SCTR: variants seen among roughly 807,000 people sequenced by gnomAD.
SCTR encodes secretin receptor.
SCTR carries 56 observed loss-of-function variants against 60.8 expected under a neutral mutation model. The ratio of observed to expected loss-of-function variants is 0.92; its 90% CI spans 0.74 to 1.15. SCTR has a LOEUF of 1.15. Ranked by LOEUF, SCTR falls within the 50% of genes most tolerant of loss-of-function variation. The pLI is 0.00. For synonymous variants in SCTR, 202 were observed against 217.0 expected, an observed-to-expected ratio of 0.93 and a Z score of 0.61; for missense variants, 562 against 550.4, an observed-to-expected ratio of 1.02 and a Z score of -0.21.
At chr2:119,513,705 C>G (rs1305226075) in intron 1 of SCTR, among the ~76,000 whole-genome samples, 1 of 152,076 alleles carries the variant, frequency 6.6e-6, no homozygotes, top group Non-Finnish European at 1.5e-5. Flanking sequence ...AATTCACAGG[C>G]CTTCACCTCA....
chr2:119,454,792 T>G (rs1327369400), intron 7 of SCTR, among the ~76,000 whole-genome samples: 1 of 151,066 alleles, frequency 6.6e-6, no homozygotes, highest in Non-Finnish European at 1.5e-5. Flanking sequence ...AGGCGGAGGT[T>G]GCAGTGAGTC....
chr2:119,440,294 G>A, intron 12 of SCTR, 37 bp from the exon 13 acceptor site: 1 of 1,594,938 alleles, frequency 6.3e-7, no homozygotes, highest in Non-Finnish European at 8.5e-7. Context: ...AGGAGGAGAG[G>A]ACAGTTCTGT....
intron 7 of SCTR, among the ~76,000 whole-genome samples, chr2:119,460,403 G>A: frequency 6.6e-6 from 1 of 151,236 alleles, no homozygotes; most frequent in African/African-American, 2.5e-5. Context: ...GGAATGGATG[G>A]ATGAGTGGGT....
intron 1 of SCTR, among the ~76,000 whole-genome samples, chr2:119,498,928 AAGAGAGAC>A (rs1449555033): frequency 1.3e-5 from 2 of 152,058 alleles, no homozygotes; most frequent in Middle Eastern, 3.2e-3. Context: ...CAATTTTAAA[AAGAGAGAC>A]TGGCATATTG....
rs1682778370 is a variant in SCTR, at chr2:119,444,232, CATAT to C, written c.1140+2523_1140+2526del. Among the ~76,000 whole-genome samples the C allele has an allele frequency of 1.9e-4, 27 of 141,004 alleles. 1 individual carries two copies. Among genetic ancestry groups the C allele is most frequent in the Non-Finnish European group, 1.5e-4 (10 of 65,656 alleles). 92.5% of individuals were successfully genotyped at this position (141,004 alleles called of 152,430 possible). ...ATACATATGAATATATACACATATA[CATAT>C]GAATATATACACATATACATATGAA... On this transcript the variant is annotated intron_variant, in intron 11 of 12. Transcript: ENST00000019103.
chr2:119,507,098 CA>C lies in SCTR; in HGVS notation c.73-12551del, dbSNP rs1025544859. Among the ~76,000 whole-genome samples, 92 of 151,420 alleles carry C rather than the reference CA, an allele frequency of 6.1e-4. 1 individual carries two copies. Among genetic ancestry groups the C allele is most frequent in the Admixed American group, 1.3e-3 (20 of 15,230 alleles). On this transcript the variant is annotated intron_variant, in intron 1 of 12. Transcript: ENST00000019103. Reference sequence around the variant, plus strand: ...TATTTCAAAATAAAAAGTTGAATTACAAAAAAAAGACAACTTAATTATCTGA... The same window carrying C: ...TATTTCAAAATAAAAAGTTGAATTACAAAAAAAGACAACTTAATTATCTGA...
intron 12 of SCTR, 78 bp downstream of exon 12, chr2:119,441,480 T>A: frequency 8.5e-7 from 1 of 1,174,670 alleles, no homozygotes; most frequent in Non-Finnish European, 1.3e-6. Context: ...CTACCACCCC[T>A]CCCAGGTAGC....
At chr2:119,442,350 C>T (rs77936648) in intron 11 of SCTR, among the ~76,000 whole-genome samples, 3,892 of 152,302 alleles carry the variant, frequency 0.026, 170 homozygotes, top group African/African-American at 0.088. Context: ...AGTGTCTCTG[C>T]GGCGCATTCA....
chr2:119,479,314 T>C (rs1677490254), intron 2 of SCTR: 1 of 990,564 alleles, frequency 1.0e-6, no homozygotes. Flanking sequence ...ATGGTACGAC[T>C]ACCTGGGGAG....
At chr2:119,468,449 C>T (rs957140532) in intron 4 of SCTR, among the ~76,000 whole-genome samples, 1 of 152,210 alleles carries the variant, frequency 6.6e-6, no homozygotes, top group African/African-American at 2.4e-5. Flanking sequence ...TATTTAACTT[C>T]TTTGAGCCTC....
intron 1 of SCTR, among the ~76,000 whole-genome samples, chr2:119,523,733 C>T (rs1326336928): frequency 1.3e-5 from 2 of 152,130 alleles, no homozygotes; most frequent in Non-Finnish European, 2.9e-5. Context: ...CCTCTCCTTT[C>T]CTTTCCTTTC....
At chr2:119,503,754 A>G (rs1202472072) in intron 1 of SCTR, among the ~76,000 whole-genome samples, 1 of 152,196 alleles carries the variant, frequency 6.6e-6, no homozygotes, top group African/African-American at 2.4e-5. Flanking sequence ...GTCAAAACCC[A>G]TAGAATATAC....
intron 1 of SCTR, among the ~76,000 whole-genome samples, chr2:119,518,011 G>A (rs1679168568): frequency 6.6e-6 from 1 of 152,088 alleles, no homozygotes; most frequent in African/African-American, 2.4e-5. Context: ...TACCAGAAAG[G>A]TGTTTCCCTC....
chr2:119,488,793 C>T (rs961089827), intron 2 of SCTR, among the ~76,000 whole-genome samples: 5 of 152,196 alleles, frequency 3.3e-5, no homozygotes, highest in Admixed American at 1.3e-4. Context: ...CACTTATTCT[C>T]CACAACAGCG....
chr2:119,495,841 G>A (rs1472796204), intron 1 of SCTR, among the ~76,000 whole-genome samples: 4 of 152,192 alleles, frequency 2.6e-5, no homozygotes, highest in Non-Finnish European at 5.9e-5. Flanking sequence ...ATGGCCGGCT[G>A]TTGCAGAAAC....
chr2:119,507,020 G>T (rs534023116), intron 1 of SCTR, among the ~76,000 whole-genome samples: 6 of 152,236 alleles, frequency 3.9e-5, no homozygotes, highest in Non-Finnish European at 7.4e-5. Context: ...CTGGGCAAAA[G>T]TTACAAGAGA....
intron 2 of SCTR, among the ~76,000 whole-genome samples, chr2:119,491,547 T>C (rs1678130643): frequency 6.6e-6 from 1 of 152,200 alleles, no homozygotes; most frequent in Admixed American, 6.5e-5. Flanking sequence ...GTTTCACTCT[T>C]GTTGCCCAGG....
intron 1 of SCTR, among the ~76,000 whole-genome samples, chr2:119,495,303 T>C (rs1223084340): frequency 2.0e-5 from 3 of 152,154 alleles, no homozygotes; most frequent in East Asian, 3.9e-4. Flanking sequence ...CACTTAACCA[T>C]CTTCTTGTCC....
At chr2:119,518,684 G>A (rs540577436) in intron 1 of SCTR, among the ~76,000 whole-genome samples, 1 of 152,178 alleles carries the variant, frequency 6.6e-6, no homozygotes, top group Non-Finnish European at 1.5e-5. Context: ...AGGTTGTCCC[G>A]AAGCCTGAGT....
Sources: gnomAD v4.1 joint callset for allele counts (sites outside exome capture counted in the v4.1 genomes callset) on GRCh38, gnomAD v4.1.1 for gene constraint, MANE v1.5 for transcripts, NCBI Gene and HGNC (gene_info 2026-07-23, HGNC 2026-07-21) for gene names.